PPARGC1B: variants seen among roughly 807,000 people sequenced by gnomAD.
PPARGC1B encodes peroxisome proliferator-activated receptor gamma coactivator 1-beta.
A neutral mutation model predicts 101.6 loss-of-function variants in PPARGC1B; 34 were observed. The observed-to-expected ratio is 0.33, with a 90% CI of 0.25 to 0.45. PPARGC1B has a LOEUF of 0.45. Ranked by LOEUF, PPARGC1B falls within the 20% of genes least tolerant of loss-of-function variation. PPARGC1B has a pLI of 1.00. For missense variants in PPARGC1B, 1,234 were observed against 1,317.6 expected, an observed-to-expected ratio of 0.94 and a Z score of 0.98; for synonymous variants, 548 against 539.3, an observed-to-expected ratio of 1.02 and a Z score of -0.22.
intron 9 of PPARGC1B, among the ~76,000 whole-genome samples, chr5:149,840,396 G>C (rs764416261): frequency 5.9e-5 from 9 of 152,212 alleles, no homozygotes; most frequent in Non-Finnish European, 1.3e-4. Context: ...TCAGCGTCAG[G>C]GGCCTTGAGA....
Position 149,832,166 on chromosome 5 carries a change from G to A in PPARGC1B, c.583-490G>A, listed in dbSNP as rs1029765415. On this transcript the variant is annotated intron_variant, in intron 4 of 11. Transcript: ENST00000309241. The surrounding 1 kb of genome is among the most constrained non-coding windows in gnomAD (Gnocchi z 4.9). The stretch of plus-strand genomic sequence containing the variant: ...TACTAAAAAATACAAAAAATTAGCC[G>A]GGTGTGGTGATGCACGCCTGTAATC... Among the ~76,000 whole-genome samples the A allele has an allele frequency of 1.3e-5, 2 of 152,092 alleles. No homozygotes were observed. The highest frequency in any genetic ancestry group is 2.4e-5 in the African/African-American group (1 of 41,408).
At chr5:149,834,834 T>A in intron 6 of PPARGC1B, 124 bp downstream of exon 6, 1 of 826,408 alleles carries the variant, frequency 1.2e-6, no homozygotes, top group Non-Finnish European at 2.0e-6. Flanking sequence ...CCCTGTGCCC[T>A]GATTGTCATC....
downstream of PPARGC1B, among the ~76,000 whole-genome samples, chr5:149,857,524 A>G (rs1487677442): frequency 6.6e-6 from 1 of 152,246 alleles, no homozygotes; most frequent in Non-Finnish European, 1.5e-5. Context: ...TTCTTAGGAC[A>G]GGCCTCTGCT....
Position 149,854,941 on chromosome 5 carries a change from G to T in PPARGC1B, c.*7383G>T, listed in dbSNP as rs1393476060. 1 of 152,212 alleles carries T rather than the reference G, an allele frequency of 6.6e-6. No individual in the cohort carries two copies. The highest frequency in any genetic ancestry group is 1.5e-5 in the Non-Finnish European group (1 of 68,042). 9.4% of individuals were successfully genotyped at this position (152,212 alleles called of 1,614,324 possible). ...GAAACTGTAGAATCTCTATGCTCAT[G>T]TACTGTAAATAGTGAAGTGATCTGC... is the stretch of plus-strand genomic sequence containing the variant. On this transcript the variant is annotated 3_prime_UTR_variant, in exon 12 of 12. Coordinates refer to ENST00000309241, the MANE Select transcript of PPARGC1B (RefSeq NM_133263.4).
At chr5:149,752,617 T>C (rs1403973325) in intron 1 of PPARGC1B, among the ~76,000 whole-genome samples, 1 of 152,136 alleles carries the variant, frequency 6.6e-6, no homozygotes, top group Non-Finnish European at 1.5e-5. Flanking sequence ...TCACCTGAAG[T>C]CAGGAGTTCA....
chr5:149,760,806 C>A (rs1755691372), intron 1 of PPARGC1B, among the ~76,000 whole-genome samples: 1 of 152,226 alleles, frequency 6.6e-6, no homozygotes, highest in East Asian at 1.9e-4. Flanking sequence ...ATAGCAGGTC[C>A]CTTTTGACTT....
chr5:149,773,979 C>T (rs545738649), intron 1 of PPARGC1B, among the ~76,000 whole-genome samples: 44 of 152,232 alleles, frequency 2.9e-4, no homozygotes, highest in Admixed American at 4.6e-4. Flanking sequence ...GCAGCCTGTA[C>T]CTGCCAGTCA....
At chr5:149,790,999 A>G (rs1032809233) in intron 1 of PPARGC1B, among the ~76,000 whole-genome samples, 2 of 152,058 alleles carry the variant, frequency 1.3e-5, no homozygotes, top group East Asian at 3.9e-4. Flanking sequence ...TCTTAAGAGT[A>G]TTCTTTGGAC....
intron 1 of PPARGC1B, among the ~76,000 whole-genome samples, chr5:149,774,495 T>G (rs1756277698): frequency 6.6e-6 from 1 of 151,874 alleles, no homozygotes; most frequent in African/African-American, 2.4e-5. Flanking sequence ...TGGCTTCTGG[T>G]CCCACGATGA....
intron 4 of PPARGC1B, among the ~76,000 whole-genome samples, chr5:149,831,899 A>C (rs1471721014): frequency 1.3e-5 from 2 of 152,154 alleles, no homozygotes; most frequent in Non-Finnish European, 2.9e-5. Flanking sequence ...TTGTTTTTTT[A>C]AACTTTATTG....
At position 149,847,827 on chromosome 5, in the gene PPARGC1B, T is replaced by C. The variant is rs1759628577; in HGVS notation, c.*269T>C. On this transcript the variant is annotated 3_prime_UTR_variant, in exon 12 of 12. Coordinates refer to ENST00000309241, the MANE Select transcript of PPARGC1B (RefSeq NM_133263.4). ...TCCAACGGGTTGTCCCGGGTGCACC[T>C]CGAAGTGCCGGGTCCGTCACCCATC... 9 of 467,504 alleles carry C rather than the reference T, an allele frequency of 1.9e-5. No homozygotes were observed. The East Asian group carries it at 3.2e-4, about 17-fold the overall frequency. The allele number at this position is 467,504 out of a possible 1,614,324, so 29.0% of individuals were successfully genotyped here.
At chr5:149,857,538 A>G (rs1489376579), downstream of PPARGC1B, among the ~76,000 whole-genome samples, 1 of 152,248 alleles carries the variant, frequency 6.6e-6, no homozygotes, top group African/African-American at 2.4e-5. Context: ...CTCTGCTTAA[A>G]GACCACTGCT....
At chr5:149,830,984 C>A in intron 4 of PPARGC1B, 101 bp downstream of exon 4, 1 of 795,982 alleles carries the variant, frequency 1.3e-6, no homozygotes, top group Non-Finnish European at 2.2e-6. Flanking sequence ...TCCAATATCT[C>A]TTCCCACTCC....
chr5:149,767,457 T>G (rs1387166659), intron 1 of PPARGC1B, among the ~76,000 whole-genome samples: 1 of 152,188 alleles, frequency 6.6e-6, no homozygotes, highest in African/African-American at 2.4e-5. Context: ...TTTGAAAGGC[T>G]GTGTGGAGAG....
At chr5:149,766,354 G>T (rs559164650) in intron 1 of PPARGC1B, among the ~76,000 whole-genome samples, 3 of 152,118 alleles carry the variant, frequency 2.0e-5, no homozygotes, top group Non-Finnish European at 4.4e-5. Context: ...ATATTTAAAG[G>T]TATCGCTTAT....
At chr5:149,754,122 T>G (rs1234371490) in intron 1 of PPARGC1B, among the ~76,000 whole-genome samples, 1 of 152,268 alleles carries the variant, frequency 6.6e-6, no homozygotes. Flanking sequence ...CAGCATGTTA[T>G]TAGACTTCGT....
chr5:149,847,234 C>A, intron 11 of PPARGC1B: 1 of 674,866 alleles, frequency 1.5e-6, no homozygotes, highest in South Asian at 1.6e-5. Context: ...CTCCAGGTCT[C>A]TAGATAGGAC....
chr5:149,737,614 C>T (rs1002490784), intron 1 of PPARGC1B, among the ~76,000 whole-genome samples: 1 of 152,220 alleles, frequency 6.6e-6, no homozygotes, highest in Non-Finnish European at 1.5e-5. Flanking sequence ...CTTGGTTCTG[C>T]GATTTGCCAG....
chr5:149,793,352 G>A (rs1757093310), intron 1 of PPARGC1B, among the ~76,000 whole-genome samples: 1 of 152,152 alleles, frequency 6.6e-6, no homozygotes, highest in African/African-American at 2.4e-5. Flanking sequence ...CAAGTCCCAG[G>A]AGAAAAACAG....
Sources: allele counts gnomAD v4.1 joint callset (sites outside exome capture counted in the v4.1 genomes callset), GRCh38; gene constraint gnomAD v4.1.1; non-coding constraint Gnocchi (gnomAD v3.1); transcripts MANE v1.5; gene names NCBI Gene and HGNC (gene_info 2026-07-23, HGNC 2026-07-21).